Variants in SEMA5A observed in about 807,000 individuals in gnomAD.
The protein encoded by SEMA5A is semaphorin 5A.
A neutral mutation model predicts 135.5 loss-of-function variants in SEMA5A; 55 were observed. That is an observed-to-expected ratio of 0.41 (90% CI 0.33 to 0.51). The LOEUF (loss-of-function observed/expected upper bound fraction) is 0.51. SEMA5A is among the 20% of genes least tolerant of loss of function. SEMA5A has a pLI of 0.37. For synonymous variants in SEMA5A, 580 were observed against 546.5 expected (o/e 1.06, Z -0.85); for missense variants, 1,290 against 1,419.9 (o/e 0.91, Z 1.47).
intron 3 of SEMA5A, among the ~76,000 whole-genome samples, chr5:9,338,370 CTAGGCT>C (rs1753491046): frequency 6.6e-6 from 1 of 152,094 alleles, no homozygotes; most frequent in Non-Finnish European, 1.5e-5. Context: ...ACAGTTACTT[CTAGGCT>C]TCATTTGCAT....
Position 9,299,695 on chromosome 5 carries a change from G to A in SEMA5A, c.270+18677C>T, listed in dbSNP as rs550856970. On this transcript the variant is annotated intron_variant, in intron 5 of 22. Coordinates refer to ENST00000382496, the MANE Select transcript of SEMA5A (RefSeq NM_003966.3). ...TTACAAACACCTGTCATTTGAACAGGTTTTGGGAAGGAGGCCATAAATGTT... is the reference window on the plus strand; with the variant it reads ...TTACAAACACCTGTCATTTGAACAGATTTTGGGAAGGAGGCCATAAATGTT... Among the ~76,000 whole-genome samples, 15 of 152,286 alleles carry A rather than the reference G, an allele frequency of 9.8e-5. No homozygotes were observed. The South Asian group carries it at 1.9e-3, about 19-fold the overall frequency.
intron 5 of SEMA5A, among the ~76,000 whole-genome samples, chr5:9,263,788 G>A (rs554045922): frequency 6.6e-6 from 1 of 152,324 alleles, no homozygotes; most frequent in East Asian, 1.9e-4. Flanking sequence ...AACCACATGA[G>A]CTACTCTAAA....
rs913155574 is a variant in SEMA5A, at chr5:9,036,611, G to C, written c.*6286C>G. 3.9e-5 allele frequency: 6 copies of C among 152,446 alleles called. No individual in the cohort carries two copies. The highest frequency in any genetic ancestry group is 5.9e-5 in the Non-Finnish European group (4 of 68,044). The allele number at this position is 152,446 out of a possible 1,614,324, so 9.4% of individuals were successfully genotyped here. ...TAGTTTCTAGAAGGCTAATACTGAA[G>C]TCACCTCTCTTCTGAGCATATGTTG... On this transcript the variant is annotated 3_prime_UTR_variant, in exon 23 of 23. Coordinates refer to ENST00000382496, the MANE Select transcript of SEMA5A (RefSeq NM_003966.3).
intron 1 of SEMA5A, among the ~76,000 whole-genome samples, chr5:9,516,166 A>ACATG (rs1736500347): frequency 6.6e-6 from 1 of 152,202 alleles, no homozygotes; most frequent in Admixed American, 6.5e-5. Context: ...AGGTGTGCAG[A>ACATG]CATGCACACA....
At chr5:9,453,160 T>C (rs143068358) in intron 1 of SEMA5A, among the ~76,000 whole-genome samples, 21 of 152,350 alleles carry the variant, frequency 1.4e-4, no homozygotes, top group Non-Finnish European at 2.5e-4. Flanking sequence ...AAAAATACAG[T>C]TGGACCTCAT....
intron 11 of SEMA5A, among the ~76,000 whole-genome samples, chr5:9,155,566 G>A (rs1012440733): frequency 1.3e-5 from 2 of 152,166 alleles, no homozygotes; most frequent in African/African-American, 4.8e-5. Flanking sequence ...GCCGCTTAGA[G>A]ATCCACTCAA....
At chr5:9,185,184 T>C (rs914494431) in intron 11 of SEMA5A, among the ~76,000 whole-genome samples, 6 of 152,168 alleles carry the variant, frequency 3.9e-5, no homozygotes, top group African/African-American at 1.4e-4. Context: ...TGTTTTGTCC[T>C]CCCGAAGTTC....
At position 9,061,472 on chromosome 5, in the gene SEMA5A, C is replaced by T. The variant is rs139497013; in HGVS notation, c.2518+1415G>A. On this transcript the variant is annotated intron_variant, in intron 18 of 22. Transcript: ENST00000382496. ...CAGACAAAAGTCAAGGCAGCCTCCC[C>T]AGTCACAGATCAGCCCTCAGGATGG... 8.3e-3 allele frequency among the ~76,000 whole-genome samples: 1,266 copies of T among 152,194 alleles called. 19 individuals carry two copies. Among genetic ancestry groups the T allele is most frequent in the African/African-American group, 0.029 (1,197 of 41,532 alleles).
intron 1 of SEMA5A, among the ~76,000 whole-genome samples, chr5:9,537,296 G>A (rs1737821081): frequency 6.6e-6 from 1 of 152,098 alleles, no homozygotes; most frequent in Non-Finnish European, 1.5e-5. Flanking sequence ...TACCTGCCCT[G>A]GTAACACAGA....
At chr5:9,187,503 T>C (rs1744873304) in intron 11 of SEMA5A, among the ~76,000 whole-genome samples, 1 of 152,200 alleles carries the variant, frequency 6.6e-6, no homozygotes, top group Non-Finnish European at 1.5e-5. Context: ...CGGGTATCTA[T>C]GGCTGTTTTC....
intron 19 of SEMA5A, 40 bp from the exon 20 acceptor site, chr5:9,052,068 A>T: frequency 6.6e-7 from 1 of 1,521,170 alleles, no homozygotes. Flanking sequence ...CGGAATGGCC[A>T]GTAAGCTCAA....
At chr5:9,461,991 G>A (rs1191016421) in intron 1 of SEMA5A, among the ~76,000 whole-genome samples, 1 of 152,190 alleles carries the variant, frequency 6.6e-6, no homozygotes, top group Non-Finnish European at 1.5e-5. Flanking sequence ...ATAAAAGGCA[G>A]AAACACAAAT....
chr5:9,533,400 G>A (rs1302810792), intron 1 of SEMA5A, among the ~76,000 whole-genome samples: 4 of 152,158 alleles, frequency 2.6e-5, no homozygotes, highest in African/African-American at 7.2e-5. Context: ...TCACTTTAGT[G>A]TAAAAGGTTA....
chr5:9,528,774 A>T (rs1400105934), intron 1 of SEMA5A, among the ~76,000 whole-genome samples: 2 of 152,146 alleles, frequency 1.3e-5, no homozygotes, highest in African/African-American at 4.8e-5. Context: ...TTATGGGAAA[A>T]TTTTCTGTAT....
At chr5:9,451,652 A>G (rs78197226) in intron 1 of SEMA5A, among the ~76,000 whole-genome samples, 5,521 of 152,258 alleles carry the variant, frequency 0.036, 145 homozygotes, top group South Asian at 0.067. Context: ...CAATCCCTTC[A>G]GGTTAGATTT....
chr5:9,293,167 G>A (rs60068850), intron 5 of SEMA5A, among the ~76,000 whole-genome samples: 4,561 of 152,104 alleles, frequency 0.03, 228 homozygotes, highest in African/African-American at 0.1. Flanking sequence ...CAACTGGAAC[G>A]TGAGCTGCTA....
At position 9,042,957 on chromosome 5, in the gene SEMA5A, G is replaced by A. The variant is rs373907002; in HGVS notation, c.3165C>T (p.Leu1055=). The stretch of plus-strand genomic sequence containing the variant: ...AGGCATTAGAATAGGTCTTCCCAGT[G>A]AGATGTGGGTTGAAGTATTTGTTTC... ...EERNKYFNPH[L]TGKTYSNAYF... is the part of the protein sequence containing the mutation. Residue 1055 remains leucine, a synonymous_variant, in exon 23 of 23, where the codon CTC becomes CTT. Coordinates refer to ENST00000382496, the MANE Select transcript of SEMA5A (RefSeq NM_003966.3). 6.8e-6 allele frequency: 11 copies of A among 1,612,554 alleles called. No individual in the cohort carries two copies. Among genetic ancestry groups the A allele is most frequent in the African/African-American group, 1.3e-5 (1 of 74,816 alleles).
At chr5:9,492,706 G>A (rs1735085115) in intron 1 of SEMA5A, among the ~76,000 whole-genome samples, 1 of 152,190 alleles carries the variant, frequency 6.6e-6, no homozygotes, top group Admixed American at 6.6e-5. Flanking sequence ...GAGCTAGCAA[G>A]CAATGAAAAG....
At chr5:9,465,410 C>T (rs1269533779) in intron 1 of SEMA5A, among the ~76,000 whole-genome samples, 1 of 152,210 alleles carries the variant, frequency 6.6e-6, no homozygotes, top group Non-Finnish European at 1.5e-5. Flanking sequence ...AAAGACTTAT[C>T]GTGTGCCAAG....
Sources: gnomAD v4.1 joint callset for allele counts (sites outside exome capture counted in the v4.1 genomes callset) on GRCh38, gnomAD v4.1.1 for gene constraint, MANE v1.5 for transcripts, NCBI Gene and HGNC (gene_info 2026-07-23, HGNC 2026-07-21) for gene names.